The following ATG16L1 variants were observed in gnomAD, a reference collection of about 807,000 sequenced individuals.
ATG16L1 encodes autophagy-related protein 16-1.
In ATG16L1, 37 loss-of-function variants were observed where a neutral mutation model predicts 88.5. The observed-to-expected ratio is 0.42, with a 90% confidence interval of 0.32 to 0.55. ATG16L1 has a LOEUF of 0.55. Ranked by LOEUF, ATG16L1 falls within the 20% of genes least tolerant of loss-of-function variation. The probability of loss-of-function intolerance (pLI) is 0.13; values close to 1 mark genes in which losing one functional copy is unlikely to be tolerated. For synonymous variants in ATG16L1, 301 were observed against 281.0 expected (o/e 1.07, Z -0.71); for missense variants, 554 against 752.8 (o/e 0.74, Z 3.09).
chr2:233,276,530 A>G (rs1449859199), intron 9 of ATG16L1, among the ~76,000 whole-genome samples: 1 of 152,248 alleles, frequency 6.6e-6, no homozygotes, highest in African/African-American at 2.4e-5. Flanking sequence ...GCGGGAGTAC[A>G]GTAGCACAAT....
At chr2:233,293,496 C>A in intron 17 of ATG16L1, 139 bp downstream of exon 17, 1 of 752,142 alleles carries the variant, frequency 1.3e-6, no homozygotes, top group Non-Finnish European at 2.3e-6. Flanking sequence ...TGAGCTAGGT[C>A]AGTGGAGAGA....
intron 11 of ATG16L1, among the ~76,000 whole-genome samples, chr2:233,282,094 T>C (rs3792106): frequency 0.54 from 81,438 of 152,004 alleles, 22,252 homozygotes; most frequent in South Asian, 0.67. Context: ...GTTTAGACTT[T>C]TGTAAAGCCA....
intron 10 of ATG16L1, among the ~76,000 whole-genome samples, chr2:233,277,920 G>C (rs1480480831): frequency 1.3e-5 from 2 of 152,188 alleles, no homozygotes; most frequent in African/African-American, 4.8e-5. Context: ...ATACTGTTAA[G>C]TTATGGATAT....
intron 4 of ATG16L1, 76 bp from the exon 5 acceptor site, chr2:233,264,816 C>T: frequency 2.5e-6 from 4 of 1,571,342 alleles, no homozygotes; most frequent in Middle Eastern, 2.3e-4. Flanking sequence ...AAGTGTTAAG[C>T]ACTCAGCCAG....
rs1445221371 is a variant in ATG16L1 at position 233,294,825 on chromosome 2, C to T, written c.*475C>T. 1 of 153,180 alleles carries T rather than the reference C, an allele frequency of 6.5e-6. No individual in the cohort carries two copies. The highest frequency in any genetic ancestry group is 2.4e-5 in the African/African-American group (1 of 41,478). 9.5% of individuals were successfully genotyped at this position (153,180 alleles called of 1,614,324 possible). A position where few individuals can be genotyped will look rare whatever the true frequency, so the allele number is the denominator to read the frequency against. Reference sequence around the variant, plus strand: ...ACTTTAAGCATTGGATTAACGGAAACTCCCGAACTACAGACCCCTCCCTGG... The same window carrying T: ...ACTTTAAGCATTGGATTAACGGAAATTCCCGAACTACAGACCCCTCCCTGG... On this transcript the variant is annotated 3_prime_UTR_variant, in exon 18 of 18. Transcript: ENST00000392017.
chr2:233,275,121 T>A (rs1698258005), intron 9 of ATG16L1, among the ~76,000 whole-genome samples: 1 of 152,178 alleles, frequency 6.6e-6, no homozygotes, highest in South Asian at 2.1e-4. Context: ...GAGTTGCCAG[T>A]CAGTGGTGTA....
chr2:233,251,839 C>T lies in ATG16L1; in HGVS notation c.12C>T (p.Gly4=), dbSNP rs777328660. Residue 4 remains glycine, a synonymous_variant, in exon 1 of 18, where the codon GGC becomes GGT. Coordinates refer to ENST00000392017, the MANE Select transcript of ATG16L1 (RefSeq NM_030803.7). ...GGGCAGCAAGTGACATGTCGTCGGG[C>T]CTCCGCGCCGCTGACTTCCCCCGCT... The part of the protein sequence containing the change: MSS[G]LRAADFPRWK... 7 of 1,549,720 alleles carry T rather than the reference C, an allele frequency of 4.5e-6. No individual in the cohort carries two copies. The highest frequency in any genetic ancestry group is 3.6e-5 in the South Asian group (3 of 84,014).
chr2:233,286,620 A>ATTTTTTTTTTTTTTTTTT (rs1699093707), intron 12 of ATG16L1, among the ~76,000 whole-genome samples: 1 of 75,486 alleles, frequency 1.3e-5, no homozygotes, highest in African/African-American at 5.4e-5. Context: ...AGAAGCCCAA[A>ATTTTTTTTTTTTTTTTTT]CTTTTTTTTT....
At chr2:233,271,536 C>G (rs1215612859) in intron 6 of ATG16L1, among the ~76,000 whole-genome samples, 2 of 152,216 alleles carry the variant, frequency 1.3e-5, no homozygotes, top group Non-Finnish European at 2.9e-5. Flanking sequence ...CCTTGGCCTC[C>G]CAAAGTGCTG....
At chr2:233,261,478 A>G (rs930159402) in intron 2 of ATG16L1, among the ~76,000 whole-genome samples, 2 of 152,206 alleles carry the variant, frequency 1.3e-5, no homozygotes, top group Non-Finnish European at 1.5e-5. Flanking sequence ...ATCTCTTGGC[A>G]TTACTTCTTG....
Position 233,251,801 on chromosome 2 carries a change from C to A in ATG16L1, c.-27C>A. ...CGTCAGCCCTCGCTCGCATTGGTGG[C>A]GCTGAGGTGCCGGGGCAGCAAGTGA... On this transcript the variant is annotated 5_prime_UTR_variant, in exon 1 of 18. Transcript: ENST00000392017. The A allele has an allele frequency of 6.5e-7, 1 of 1,543,184 alleles. No homozygotes were observed. Among genetic ancestry groups the A allele is most frequent in the Non-Finnish European group, 8.8e-7 (1 of 1,141,446 alleles).
At position 233,263,105 on chromosome 2, in the gene ATG16L1, T is replaced by G. The variant is rs1697331984; in HGVS notation, c.210-25T>G. On this transcript the variant is annotated intron_variant, in intron 2 of 17. Transcript: ENST00000392017. ...CCCCTCCGTTTTTTGCACATTCTCTTCATCTGCCTGGTTTGCCAATTTAGT... is the reference window on the plus strand; with the variant it reads ...CCCCTCCGTTTTTTGCACATTCTCTGCATCTGCCTGGTTTGCCAATTTAGT... 1.9e-6 allele frequency: 3 copies of G among 1,605,376 alleles called. No individual in the cohort carries two copies. In the East Asian group the frequency reaches 6.7e-5, roughly 36 times the overall value.
chr2:233,282,070 T>C (rs1304404685), intron 11 of ATG16L1, among the ~76,000 whole-genome samples: 1 of 152,184 alleles, frequency 6.6e-6, no homozygotes, highest in African/African-American at 2.4e-5. Flanking sequence ...AATGAGGGTA[T>C]GTTGTATTGA....
intron 2 of ATG16L1, among the ~76,000 whole-genome samples, chr2:233,257,617 C>G (rs1574842363): frequency 6.6e-6 from 1 of 152,134 alleles, no homozygotes; most frequent in African/African-American, 2.4e-5. Context: ...GAGACATAGC[C>G]TCAGTAAGTA....
In ATG16L1 at chr2:233,263,139, T is replaced by C; in HGVS notation, c.219T>C (p.His73=). The C allele has an allele frequency of 1.2e-6, 2 of 1,613,708 alleles. No individual in the cohort carries two copies. The highest frequency in any genetic ancestry group is 8.5e-7 in the Non-Finnish European group (1 of 1,179,902). ...TGGTTTGCCAATTTAGTCCCGGACA[T>C]GATGGCACATGGAATGACAATCAGC... is the stretch of plus-strand genomic sequence containing the variant. ...VPNRHEISPG[H]DGTWNDNQLQ... The change falls in exon 3 of 18, where the codon CAT becomes CAC. Residue 73 remains histidine, a synonymous_variant. Coordinates refer to ENST00000392017, the MANE Select transcript of ATG16L1 (RefSeq NM_030803.7).
Position 233,295,452 on chromosome 2 carries a change from G to A in ATG16L1, c.*1102G>A, listed in dbSNP as rs1227711922. The A allele has an allele frequency of 6.5e-6, 1 of 152,680 alleles. No homozygotes were observed. Among genetic ancestry groups the A allele is most frequent in the Non-Finnish European group, 1.5e-5 (1 of 68,028 alleles). 9.5% of individuals were successfully genotyped at this position (152,680 alleles called of 1,614,324 possible). A position where few individuals can be genotyped will look rare whatever the true frequency, so the allele number is the denominator to read the frequency against. ...TGGGGATGTGAGTGTTAGAGCTGGT[G>A]AGAGAGGAGTCAGGTGGCCTTCCCA... On this transcript the variant is annotated 3_prime_UTR_variant, in exon 18 of 18. Coordinates refer to ENST00000392017, the MANE Select transcript of ATG16L1 (RefSeq NM_030803.7).
chr2:233,258,816 C>G (rs1279714493), intron 2 of ATG16L1, among the ~76,000 whole-genome samples: 1 of 152,098 alleles, frequency 6.6e-6, no homozygotes, highest in East Asian at 1.9e-4. Flanking sequence ...CCTGCCTTAG[C>G]CTTCTGAGTA....
chr2:233,270,008 G>A lies in ATG16L1; in HGVS notation c.648G>A (p.Arg216=), dbSNP rs1319623423. The change falls in exon 6 of 18, where the codon CGG becomes CGA. Residue 216 remains arginine, a synonymous_variant. Transcript: ENST00000392017. ...TTTTTTTTTTTCCCAACAGGAGGCG[G>A]CAAGCCCGGCTGCAGAAAGAGCTTG... ...NAENEKDSRR[R]QARLQKELAE... The A allele has an allele frequency of 1.9e-6, 3 of 1,575,584 alleles. No individual in the cohort carries two copies. In the Admixed American group the frequency reaches 5.8e-5, roughly 30 times the overall value.
Position 233,294,353 on chromosome 2 carries a change from G to T in ATG16L1, c.*3G>T, listed in dbSNP as rs372478478. ...CTGTGCTGTGGGCACAGTACTGACG[G>T]GGCTCTCAGGGCTGGGAGGACCCCA... On this transcript the variant is annotated 3_prime_UTR_variant, in exon 18 of 18. Coordinates refer to ENST00000392017, the MANE Select transcript of ATG16L1 (RefSeq NM_030803.7). 2.5e-6 allele frequency: 4 copies of T among 1,612,442 alleles called. No individual in the cohort carries two copies. The African/African-American group carries it at 5.3e-5, about 22-fold the overall frequency.
Sources: gnomAD v4.1 joint callset for allele counts (sites outside exome capture counted in the v4.1 genomes callset) on GRCh38, gnomAD v4.1.1 for gene constraint, MANE v1.5 for transcripts, NCBI Gene and HGNC (gene_info 2026-07-23, HGNC 2026-07-21) for gene names.